Variants in NRXN3 observed in about 807,000 individuals in gnomAD.
NRXN3 encodes neurexin 3.
A neutral mutation model predicts 137.6 loss-of-function variants in NRXN3; 32 were observed. The ratio of observed to expected loss-of-function variants is 0.23; its 90% CI spans 0.18 to 0.31. NRXN3 has a LOEUF of 0.31. NRXN3 is among the 10% of genes least tolerant of loss of function. The probability of loss-of-function intolerance (pLI) is 1.00; values close to 1 mark genes in which losing one functional copy is unlikely to be tolerated. For synonymous variants in NRXN3, 798 were observed against 784.5 expected (o/e 1.02, Z -0.29); for missense variants, 1,574 against 2,062.5 (o/e 0.76, Z 4.59).
At chr14:78,385,899 C>A (rs570011790) in intron 4 of NRXN3, among the ~76,000 whole-genome samples, 1 of 152,226 alleles carries the variant, frequency 6.6e-6, no homozygotes, top group Admixed American at 6.5e-5. Flanking sequence ...TTAGGACTAC[C>A]TGTGACAATT....
chr14:78,805,482 A>G (rs2098858623), intron 9 of NRXN3, among the ~76,000 whole-genome samples: 1 of 151,426 alleles, frequency 6.6e-6, no homozygotes, highest in Non-Finnish European at 1.5e-5. Context: ...AGACTGGCAT[A>G]CCCCTGACCC....
intron 2 of NRXN3, among the ~76,000 whole-genome samples, chr14:78,255,773 C>T (rs1012413376): frequency 6.6e-6 from 1 of 152,216 alleles, no homozygotes; most frequent in African/African-American, 2.4e-5. Flanking sequence ...GCCTTAATCA[C>T]ATTGTGTGTA....
chr14:79,616,909 G>A (rs928731189), intron 16 of NRXN3, among the ~76,000 whole-genome samples: 1 of 152,136 alleles, frequency 6.6e-6, no homozygotes, highest in Non-Finnish European at 1.5e-5. Context: ...TTGTTACAGA[G>A]CTGAATTCAT....
chr14:78,779,281 T>C (rs1283195992), intron 8 of NRXN3, among the ~76,000 whole-genome samples: 1 of 151,888 alleles, frequency 6.6e-6, no homozygotes, highest in African/African-American at 2.4e-5. Context: ...AGAAGCAAAA[T>C]CATTTCAAAA....
intron 19 of NRXN3, among the ~76,000 whole-genome samples, chr14:79,726,445 G>A (rs2154068272): frequency 6.6e-6 from 1 of 151,940 alleles, no homozygotes; most frequent in Admixed American, 6.6e-5. Context: ...TCCTCCATTT[G>A]CAGCTTTTTG....
chr14:79,325,732 T>A lies in NRXN3; in HGVS notation c.3263-141489T>A, dbSNP rs574691288. On this transcript the variant is annotated intron_variant, in intron 15 of 20. Transcript: ENST00000335750. ...AGCTGTCAACTGTTCCCCAAAGGTG[T>A]TGCCTAGAATCAGCATGCAGCGCTG... Among the ~76,000 whole-genome samples, 39 of 152,250 alleles carry A rather than the reference T, an allele frequency of 2.6e-4. No homozygotes were observed. The South Asian group carries it at 7.9e-3, about 31-fold the overall frequency.
At chr14:78,175,602 T>C (rs2059183243) in intron 1 of NRXN3, among the ~76,000 whole-genome samples, 1 of 152,168 alleles carries the variant, frequency 6.6e-6, no homozygotes, top group African/African-American at 2.4e-5. Flanking sequence ...GCTCTGAGCC[T>C]TGAGGGCCAG....
chr14:78,677,220 G>T (rs1485173671), intron 6 of NRXN3, among the ~76,000 whole-genome samples: 1 of 152,028 alleles, frequency 6.6e-6, no homozygotes, highest in African/African-American at 2.4e-5. Flanking sequence ...TTTTAGAAAG[G>T]ATTCACCATT....
chr14:78,573,943 A>G lies in NRXN3; in HGVS notation c.758-71177A>G, dbSNP rs551894194. ...AGGACTAGAGGCCAAGGAGGAAAAA[A>G]TGGTTTCATGGATTGGGCCCAGGGC... is the stretch of plus-strand genomic sequence containing the variant. On this transcript the variant is annotated intron_variant, in intron 4 of 20. Coordinates refer to ENST00000335750, the MANE Select transcript of NRXN3 (RefSeq NM_001330195.2). Among the ~76,000 whole-genome samples the G allele has an allele frequency of 3.3e-5, 5 of 152,318 alleles. 1 individual carries two copies. Among genetic ancestry groups the G allele is most frequent in the South Asian group, 4.1e-4 (2 of 4,828 alleles).
At chr14:78,530,556 G>T (rs8006051) in intron 4 of NRXN3, among the ~76,000 whole-genome samples, 103,844 of 152,086 alleles carry the variant, frequency 0.68, 35,664 homozygotes, top group East Asian at 0.72. Context: ...GTGCCCTTGC[G>T]GATGGCTGAG....
At chr14:78,548,938 T>C (rs1262792393) in intron 4 of NRXN3, among the ~76,000 whole-genome samples, 1 of 152,106 alleles carries the variant, frequency 6.6e-6, no homozygotes, top group Non-Finnish European at 1.5e-5. Context: ...CCTGTTCTCT[T>C]CTCCGCATCT....
At chr14:79,438,997 A>G (rs986381889) in intron 15 of NRXN3, among the ~76,000 whole-genome samples, 1 of 152,266 alleles carries the variant, frequency 6.6e-6, no homozygotes, top group South Asian at 2.1e-4. Flanking sequence ...ACATTGAAAC[A>G]AGATTTTGAA....
intron 16 of NRXN3, among the ~76,000 whole-genome samples, chr14:79,589,645 T>C: frequency 6.6e-6 from 1 of 151,076 alleles, no homozygotes; most frequent in East Asian, 1.9e-4. Flanking sequence ...TATCAAAAAT[T>C]GCTTTTTAAG....
chr14:78,888,869 A>ACC (rs1187196066), intron 10 of NRXN3, among the ~76,000 whole-genome samples: 1 of 151,634 alleles, frequency 6.6e-6, no homozygotes, highest in African/African-American at 2.4e-5. Context: ...ACACACACAC[A>ACC]CACCCCAGAT....
chr14:78,297,773 CT>C, intron 3 of NRXN3, 57 bp from the exon 4 acceptor site: 4 of 1,283,968 alleles, frequency 3.1e-6, no homozygotes, highest in Non-Finnish European at 4.4e-6. Flanking sequence ...TGTCTTCTTT[CT>C]TTTTTTCCTT....
At chr14:78,260,278 G>A (rs17827951) in intron 2 of NRXN3, among the ~76,000 whole-genome samples, 27,222 of 152,166 alleles carry the variant, frequency 0.18, 2,698 homozygotes, top group Middle Eastern at 0.24. Context: ...AAGACCCTGT[G>A]AAGTTCAGGA....
intron 8 of NRXN3, among the ~76,000 whole-genome samples, chr14:78,728,869 A>T (rs1329432061): frequency 6.6e-6 from 1 of 152,234 alleles, no homozygotes; most frequent in Non-Finnish European, 1.5e-5. Context: ...ACTGCACTCC[A>T]GCCTGGGCAA....
At position 78,697,529 on chromosome 14, in the gene NRXN3, A is replaced by C. The variant is rs1041388240; in HGVS notation, c.1222-11688A>C. The stretch of plus-strand genomic sequence containing the variant: ...TGTAACTGGTAGTGAAATTCATTTC[A>C]GGTTGATTTTGCATGGCATAAGGGA... On this transcript the variant is annotated intron_variant, in intron 6 of 20. Transcript: ENST00000335750. 5.9e-5 allele frequency among the ~76,000 whole-genome samples: 9 copies of C among 151,936 alleles called. 1 individual carries two copies. Among genetic ancestry groups the C allele is most frequent in the Non-Finnish European group, 8.8e-5 (6 of 67,978 alleles).
chr14:79,341,187 C>T (rs747744169), intron 15 of NRXN3, among the ~76,000 whole-genome samples: 12 of 152,044 alleles, frequency 7.9e-5, no homozygotes, highest in Non-Finnish European at 8.8e-5. Flanking sequence ...ATGATGCACA[C>T]CTTGCACTAT....
Sources: gnomAD v4.1 joint callset for allele counts (sites outside exome capture counted in the v4.1 genomes callset) on GRCh38, gnomAD v4.1.1 for gene constraint, MANE v1.5 for transcripts, NCBI Gene and HGNC (gene_info 2026-07-23, HGNC 2026-07-21) for gene names.